The following PMVK variants were observed in gnomAD, a reference collection of about 807,000 sequenced individuals.
PMVK encodes testis tissue sperm-binding protein Li 95mP.
A neutral mutation model predicts 19.0 loss-of-function variants in PMVK; 10 were observed. The ratio of observed to expected loss-of-function variants is 0.53; its 90% CI spans 0.32 to 0.89. The LOEUF is 0.89. Among genes scored for constraint, PMVK ranks in the 40% least tolerant of loss-of-function variants. PMVK has a pLI of 0.03. For missense variants in PMVK, 222 were observed against 251.1 expected, an observed-to-expected ratio of 0.88 and a Z score of 0.78; for synonymous variants, 108 against 101.6, an observed-to-expected ratio of 1.06 and a Z score of -0.38.
chr1:154,930,719 G>A (rs72995460), intron 2 of PMVK, among the ~76,000 whole-genome samples: 4,944 of 137,802 alleles, frequency 0.036, 84 homozygotes, highest in African/African-American at 0.048. Flanking sequence ...CTGCAGCATC[G>A]CTCCCAGTCT....
upstream of PMVK, chr1:154,936,933 C>T: frequency 4.0e-6 from 2 of 506,006 alleles, no homozygotes; most frequent in Non-Finnish European, 7.3e-6. Context: ...GCAGCCTCCC[C>T]TCGTGAAGCT....
At chr1:154,934,367 A>G (rs183935099) in intron 1 of PMVK, among the ~76,000 whole-genome samples, 1 of 152,200 alleles carries the variant, frequency 6.6e-6, no homozygotes, top group Admixed American at 6.5e-5. Context: ...CCCAGGCTAG[A>G]GTGCAGTGGT....
In PMVK at chr1:154,932,419, C is replaced by T; in HGVS notation, c.96-4G>A. The T allele has an allele frequency of 6.2e-7, 1 of 1,602,402 alleles. No individual in the cohort carries two copies. The highest frequency in any genetic ancestry group is 8.5e-7 in the Non-Finnish European group (1 of 1,173,812). On this transcript the variant is annotated splice_region_variant and splice_polypyrimidine_tract_variant and intron_variant, in intron 1 of 4. Transcript: ENST00000368467. ...AGCACAGACATCAGCTCCAAGTCTG[C>T]AGGACAGGGAGATCAGAATCCAGTT... is the stretch of plus-strand genomic sequence containing the variant.
In PMVK at chr1:154,925,125, G is replaced by T. The variant is rs1571375933; in HGVS notation, c.*4C>A. ...GGCCCCAGCTCACTCCTAGAACCTAGTGACTAAAGTCTGGAGCGGATAAAT... is the reference window on the plus strand; with the variant it reads ...GGCCCCAGCTCACTCCTAGAACCTATTGACTAAAGTCTGGAGCGGATAAAT... On this transcript the variant is annotated 3_prime_UTR_variant, in exon 5 of 5. Coordinates refer to ENST00000368467, the MANE Select transcript of PMVK (RefSeq NM_006556.4). 3.4e-6 allele frequency: 5 copies of T among 1,456,610 alleles called. No individual in the cohort carries two copies. In the East Asian group the frequency reaches 1.1e-4, roughly 31 times the overall value. The allele number at this position is 1,456,610 out of a possible 1,614,324, so 90.2% of individuals were successfully genotyped here. A position where few individuals can be genotyped will look rare whatever the true frequency, so the allele number is the denominator to read the frequency against.
At chr1:154,942,587 G>A in the PMVK span, among the ~76,000 whole-genome samples, 2 of 152,216 alleles carry the variant, frequency 1.3e-5, no homozygotes, top group Non-Finnish European at 2.9e-5. Flanking sequence ...CCTTGGGTTC[G>A]TGGCTTTTTC....
At chr1:154,934,368 G>A (rs1327286517) in intron 1 of PMVK, among the ~76,000 whole-genome samples, 1 of 152,134 alleles carries the variant, frequency 6.6e-6, no homozygotes, top group Non-Finnish European at 1.5e-5. Context: ...CCAGGCTAGA[G>A]TGCAGTGGTA....
upstream of PMVK, chr1:154,938,080 A>C (rs1290241445): frequency 2.0e-5 from 3 of 152,182 alleles, no homozygotes; most frequent in Admixed American, 2.0e-4. Flanking sequence ...AGGGGTTGTT[A>C]TTTATTCTTA....
upstream of PMVK, among the ~76,000 whole-genome samples, chr1:154,939,303 A>G (rs1046640800): frequency 1.3e-5 from 2 of 152,018 alleles, no homozygotes; most frequent in Non-Finnish European, 2.9e-5. Flanking sequence ...ATACTCCCCA[A>G]AGTAGCACTT....
chr1:154,940,161 T>C (rs1281586818), upstream of PMVK, among the ~76,000 whole-genome samples: 4 of 152,222 alleles, frequency 2.6e-5, no homozygotes, highest in Admixed American at 1.3e-4. Flanking sequence ...GCCAGCCTGT[T>C]TGACCCATGG....
chr1:154,928,574 C>A (rs1401180555), intron 3 of PMVK, among the ~76,000 whole-genome samples: 1 of 152,016 alleles, frequency 6.6e-6, no homozygotes, highest in Admixed American at 6.6e-5. Context: ...GAGTTCGAGA[C>A]CAGCCTGGCC....
chr1:154,941,628 G>C (rs1030792563), upstream of PMVK, among the ~76,000 whole-genome samples: 3 of 152,178 alleles, frequency 2.0e-5, no homozygotes, highest in Admixed American at 6.5e-5. Flanking sequence ...GGGCCCAGCC[G>C]GACGAGGCTG....
At chr1:154,930,413 A>C (rs1466238494) in intron 2 of PMVK, among the ~76,000 whole-genome samples, 1 of 152,234 alleles carries the variant, frequency 6.6e-6, no homozygotes, top group Non-Finnish European at 1.5e-5. Flanking sequence ...GTGAGCCAAG[A>C]TCGTGCCACT....
upstream of PMVK, chr1:154,937,758 A>G (rs887183141): frequency 6.6e-6 from 1 of 152,224 alleles, no homozygotes; most frequent in Non-Finnish European, 1.5e-5. Flanking sequence ...AGAAACCATT[A>G]ATTTCCTGAA....
Position 154,925,278 on chromosome 1 carries a change from C to T in PMVK, c.443-13G>A. On this transcript the variant is annotated splice_polypyrimidine_tract_variant and intron_variant, in intron 4 of 4. Coordinates refer to ENST00000368467, the MANE Select transcript of PMVK (RefSeq NM_006556.4). Reference sequence around the variant, plus strand: ...GCATCGTCCACCCCTATGAAGGAAGCATGGTGAGGTCAGGCCTCAGCCCTC... The same window carrying T: ...GCATCGTCCACCCCTATGAAGGAAGTATGGTGAGGTCAGGCCTCAGCCCTC... The T allele has an allele frequency of 1.2e-6, 2 of 1,614,060 alleles. No homozygotes were observed. Among genetic ancestry groups the T allele is most frequent in the Non-Finnish European group, 1.7e-6 (2 of 1,179,924 alleles).
chr1:154,932,969 G>C (rs551377220), intron 1 of PMVK, among the ~76,000 whole-genome samples: 1 of 152,178 alleles, frequency 6.6e-6, no homozygotes, highest in South Asian at 2.1e-4. Context: ...AATTAGCTGA[G>C]CATGGCAGCA....
intron 3 of PMVK, among the ~76,000 whole-genome samples, chr1:154,928,367 C>T (rs1654233881): frequency 6.6e-6 from 1 of 152,212 alleles, no homozygotes; most frequent in Non-Finnish European, 1.5e-5. Flanking sequence ...AACTGGATCA[C>T]ACAAGGCCCA....
chr1:154,933,682 C>T (rs569814054), intron 1 of PMVK, among the ~76,000 whole-genome samples: 2 of 151,378 alleles, frequency 1.3e-5, no homozygotes, highest in Admixed American at 6.6e-5. Context: ...TTAGTACAGA[C>T]GGGGTTTTGC....
chr1:154,926,460 C>T lies in PMVK; in HGVS notation c.336G>A (p.Val112=), dbSNP rs758505539. 3.1e-6 allele frequency: 5 copies of T among 1,613,836 alleles called. No homozygotes were observed. The highest frequency in any genetic ancestry group is 4.5e-5 in the East Asian group (2 of 44,894). ...CCTCCCGAAACCACTGGATGTCAGA[C>T]ACTCTCCGTGTGTCACTCACCAGCT... ...PIWLVSDTRR[V]SDIQWFREAY... Residue 112 remains valine (V), a synonymous_variant, in exon 4 of 5, where the codon GTG becomes GTA. Transcript: ENST00000368467.
At chr1:154,930,751 T>A (rs1449954800) in intron 2 of PMVK, among the ~76,000 whole-genome samples, 5 of 151,240 alleles carry the variant, frequency 3.3e-5, no homozygotes, top group Admixed American at 6.6e-5. Flanking sequence ...ACAAAGAAAT[T>A]CTGTATCCAG....
Sources: gnomAD v4.1 joint callset for allele counts (sites outside exome capture counted in the v4.1 genomes callset) on GRCh38, gnomAD v4.1.1 for gene constraint, MANE v1.5 for transcripts, NCBI Gene and HGNC (gene_info 2026-07-23, HGNC 2026-07-21) for gene names.